Variants in NCAM2 observed in about 807,000 individuals in gnomAD.
NCAM2 encodes neural cell adhesion molecule 2.
In NCAM2, 30 loss-of-function variants were observed where a neutral mutation model predicts 98.1. The observed-to-expected ratio is 0.31, with a 90% CI of 0.23 to 0.41. The LOEUF is 0.41. Ranked by LOEUF, NCAM2 falls within the 10% of genes least tolerant of loss-of-function variation. The pLI, the probability that NCAM2 is intolerant of heterozygous loss-of-function variation, is 1.00. For synonymous variants in NCAM2, 368 were observed against 342.4 expected, an observed-to-expected ratio of 1.07 and a Z score of -0.83; for missense variants, 867 against 1,005.8, an observed-to-expected ratio of 0.86 and a Z score of 1.87.
chr21:21,275,337 G>C (rs992835637), intron 1 of NCAM2, among the ~76,000 whole-genome samples: 24 of 151,918 alleles, frequency 1.6e-4, no homozygotes, highest in African/African-American at 5.8e-4. Context: ...CTACTCTGGA[G>C]GCTGAGGCAG....
At chr21:21,381,236 C>T (rs1473730708) in intron 9 of NCAM2, among the ~76,000 whole-genome samples, 2 of 152,076 alleles carry the variant, frequency 1.3e-5, no homozygotes, top group Non-Finnish European at 2.9e-5. Context: ...AATGTAAAGA[C>T]CATCCTCATC....
chr21:21,529,393 G>T (rs971845810), intron 16 of NCAM2, among the ~76,000 whole-genome samples: 2 of 151,944 alleles, frequency 1.3e-5, no homozygotes, highest in Admixed American at 1.3e-4. Flanking sequence ...GATTATTTTT[G>T]CATATCCTTC....
intron 5 of NCAM2, among the ~76,000 whole-genome samples, chr21:21,305,543 C>T (rs2073854421): frequency 6.6e-6 from 1 of 151,324 alleles, no homozygotes; most frequent in South Asian, 2.1e-4. Context: ...TAGATATAGG[C>T]TTTTCAGGGA....
intron 1 of NCAM2, among the ~76,000 whole-genome samples, chr21:21,239,164 A>C (rs1390429471): frequency 6.6e-6 from 1 of 152,194 alleles, no homozygotes; most frequent in Non-Finnish European, 1.5e-5. Flanking sequence ...CAGCAAAATC[A>C]GATGTTGGGC....
chr21:21,156,541 A>C (rs1466830904), intron 1 of NCAM2, among the ~76,000 whole-genome samples: 1 of 151,826 alleles, frequency 6.6e-6, no homozygotes, highest in Non-Finnish European at 1.5e-5. Context: ...GTAAACACCA[A>C]AGTTTTTACT....
At chr21:21,203,811 T>A (rs1335789857) in intron 1 of NCAM2, among the ~76,000 whole-genome samples, 2 of 152,146 alleles carry the variant, frequency 1.3e-5, no homozygotes. Flanking sequence ...CTTTTTATGT[T>A]TTATCATTGT....
chr21:21,461,082 TA>T (rs1360437215), intron 12 of NCAM2, among the ~76,000 whole-genome samples: 2 of 151,944 alleles, frequency 1.3e-5, no homozygotes, highest in African/African-American at 4.8e-5. Context: ...TATAAAAATC[TA>T]CGCATTTAGA....
intron 1 of NCAM2, among the ~76,000 whole-genome samples, chr21:21,044,596 G>T (rs73218257): frequency 0.1 from 15,825 of 152,100 alleles, 1,023 homozygotes; most frequent in Middle Eastern, 0.14. Context: ...AAATAAAAAT[G>T]ATTCATTTTT....
chr21:21,202,773 C>A (rs2069284029), intron 1 of NCAM2, among the ~76,000 whole-genome samples: 1 of 152,000 alleles, frequency 6.6e-6, no homozygotes, highest in African/African-American at 2.4e-5. Context: ...GAACTTAAAA[C>A]AAATAAATTA....
At chr21:21,148,086 A>G (rs9975698) in intron 1 of NCAM2, among the ~76,000 whole-genome samples, 3,153 of 152,138 alleles carry the variant, frequency 0.021, 141 homozygotes, top group African/African-American at 0.073. Flanking sequence ...CAGGCTCTCA[A>G]TGTATCCTAT....
At chr21:21,010,441 G>T (rs1000477073) in intron 1 of NCAM2, among the ~76,000 whole-genome samples, 1 of 152,044 alleles carries the variant, frequency 6.6e-6, no homozygotes, top group Admixed American at 6.6e-5. Flanking sequence ...GAGCTATTAT[G>T]CAATACCCTA....
chr21:21,520,507 AGAAATATG>A (rs1988954474), intron 16 of NCAM2, among the ~76,000 whole-genome samples: 2 of 152,146 alleles, frequency 1.3e-5, no homozygotes, highest in African/African-American at 2.4e-5. Context: ...CAAAAACTGA[AGAAATATG>A]TATGAAATAT....
At chr21:21,208,418 C>T (rs1171167016) in intron 1 of NCAM2, among the ~76,000 whole-genome samples, 1 of 152,064 alleles carries the variant, frequency 6.6e-6, no homozygotes, top group Non-Finnish European at 1.5e-5. Flanking sequence ...AATATTAATA[C>T]CAGTTAGAAG....
intron 1 of NCAM2, among the ~76,000 whole-genome samples, chr21:21,191,427 T>C (rs1275095966): frequency 1.3e-5 from 2 of 152,322 alleles, no homozygotes; most frequent in East Asian, 3.9e-4. Flanking sequence ...AAAATTTTTA[T>C]AATTATATAG....
chr21:21,375,183 A>G (rs888571778), intron 9 of NCAM2, among the ~76,000 whole-genome samples: 1 of 151,010 alleles, frequency 6.6e-6, no homozygotes, highest in Non-Finnish European at 1.5e-5. Flanking sequence ...AAGGAAAGAA[A>G]TTCCCATAAT....
chr21:21,515,054 A>T (rs986846231), intron 16 of NCAM2, among the ~76,000 whole-genome samples: 1 of 152,196 alleles, frequency 6.6e-6, no homozygotes, highest in African/African-American at 2.4e-5. Flanking sequence ...AAATGTTACA[A>T]TTTGTATTGG....
In NCAM2 at chr21:21,284,358, A is replaced by C. The variant is rs755515277; in HGVS notation, c.295A>C (p.Lys99Gln). ...ATATCGTTGTCAAGCAACAGATGCC[A>C]AAGGACAAACACAAGAAGCTACAGT... is the stretch of plus-strand genomic sequence containing the variant. ...GIYRCQATDA[K>Q]GQTQEATVVL... is the part of the protein sequence containing the mutation. The change falls in exon 3 of 18, where the codon AAA becomes CAA. Residue 99 changes from lysine (K) to glutamine (Q), a missense_variant. Lys to Gln is a moderately conservative substitution (Grantham distance 53). Around this residue, in one of 5 missense-constraint regions of NCAM2, gnomAD observed 447 missense variants for 495.7 expected, o/e 0.90. Coordinates refer to ENST00000400546, the MANE Select transcript of NCAM2 (RefSeq NM_004540.5). 1 of 1,612,866 alleles carries C rather than the reference A, an allele frequency of 6.2e-7. No homozygotes were observed. The highest frequency in any genetic ancestry group is 8.5e-7 in the Non-Finnish European group (1 of 1,179,156).
At position 21,148,685 on chromosome 21, in the gene NCAM2, T is replaced by G. The variant is rs183298378; in HGVS notation, c.56-131893T>G. 1.9e-3 allele frequency among the ~76,000 whole-genome samples: 282 copies of G among 152,318 alleles called. 1 individual carries two copies. Among genetic ancestry groups the G allele is most frequent in the Non-Finnish European group, 3.1e-3 (209 of 68,010 alleles). ...TGCAGTAAGAAGTATTCATAAGTAC[T>G]TAAGTTGTCATAGTTATTAATAGTT... is the stretch of plus-strand genomic sequence containing the variant. On this transcript the variant is annotated intron_variant, in intron 1 of 17. Transcript: ENST00000400546.
intron 1 of NCAM2, among the ~76,000 whole-genome samples, chr21:21,241,707 G>GT (rs1433607737): frequency 0.033 from 4,109 of 125,108 alleles, 129 homozygotes; most frequent in African/African-American, 0.097. Context: ...CCAAGGCTCT[G>GT]TTTTTTTTTT....
Sources: gnomAD v4.1 joint callset for allele counts (sites outside exome capture counted in the v4.1 genomes callset) on GRCh38, gnomAD v4.1.1 for gene constraint, gnomAD v4.1.1 regional missense constraint, MANE v1.5 for transcripts, NCBI Gene and HGNC (gene_info 2026-07-23, HGNC 2026-07-21) for gene names.